ST18: variants seen among roughly 807,000 people sequenced by gnomAD.
ST18 encodes suppression of tumorigenicity 18 protein.
ST18 carries 50 observed loss-of-function variants against 110.0 expected under a neutral mutation model. The observed-to-expected ratio is 0.45, with a 90% CI of 0.36 to 0.58. The LOEUF (loss-of-function observed/expected upper bound fraction) is 0.58, where lower values mean the gene tolerates loss of function less well. ST18 is among the 20% of genes least tolerant of loss of function. The pLI is 0.00. For missense variants in ST18, 1,306 were observed against 1,280.1 expected (o/e 1.02, Z -0.31); for synonymous variants, 461 against 452.4 (o/e 1.02, Z -0.24).
chr8:52,367,182 G>A (rs11989115), intron 2 of ST18, among the ~76,000 whole-genome samples: 24,793 of 149,392 alleles, frequency 0.17, 3,453 homozygotes, highest in African/African-American at 0.38. Flanking sequence ...AGGCTGCGGT[G>A]AGCAGAGATC....
rs1462746027 is a variant in ST18, at chr8:52,112,022, A to G, written c.*1176T>C. Reference sequence around the variant, plus strand: ...TGAGTGTGTGTGTATATTTTGTAGCATTTGAAGTTTTGTGGCAAGATTTCT... The same window carrying G: ...TGAGTGTGTGTGTATATTTTGTAGCGTTTGAAGTTTTGTGGCAAGATTTCT... On this transcript the variant is annotated 3_prime_UTR_variant, in exon 26 of 26. Transcript: ENST00000689386. The G allele has an allele frequency of 6.6e-6, 1 of 152,272 alleles. No homozygotes were observed. Among genetic ancestry groups the G allele is most frequent in the Non-Finnish European group, 1.5e-5 (1 of 67,996 alleles). 9.4% of individuals were successfully genotyped at this position (152,272 alleles called of 1,614,324 possible). A position where few individuals can be genotyped will look rare whatever the true frequency, so the allele number is the denominator to read the frequency against.
intron 2 of ST18, among the ~76,000 whole-genome samples, chr8:52,245,501 A>T (rs75479176): frequency 0.03 from 4,565 of 152,160 alleles, 215 homozygotes; most frequent in African/African-American, 0.1. Flanking sequence ...TCATGAAGGA[A>T]CCTCAAAATT....
At chr8:52,155,080 T>G (rs2059708580) in intron 15 of ST18, among the ~76,000 whole-genome samples, 1 of 151,254 alleles carries the variant, frequency 6.6e-6, no homozygotes, top group African/African-American at 2.4e-5. Flanking sequence ...CGCACGCCGG[T>G]AGTCCCAGCT....
intron 3 of ST18, among the ~76,000 whole-genome samples, chr8:52,228,066 T>C (rs1354128629): frequency 1.3e-5 from 2 of 152,230 alleles, no homozygotes; most frequent in Non-Finnish European, 2.9e-5. Flanking sequence ...TGGAATACTA[T>C]AGATTTTGTC....
intron 2 of ST18, among the ~76,000 whole-genome samples, chr8:52,358,435 A>T (rs548346356): frequency 7.2e-5 from 11 of 152,062 alleles, no homozygotes; most frequent in Admixed American, 2.0e-4. Context: ...AGGGAAAAAA[A>T]TTGATAAACT....
chr8:52,328,166 C>T (rs902699637), intron 2 of ST18, among the ~76,000 whole-genome samples: 1 of 152,180 alleles, frequency 6.6e-6, no homozygotes, highest in Non-Finnish European at 1.5e-5. Flanking sequence ...AAGTTTGAAT[C>T]ACACAAGGGA....
intron 2 of ST18, among the ~76,000 whole-genome samples, chr8:52,366,885 A>G (rs1828179631): frequency 6.6e-6 from 1 of 152,228 alleles, no homozygotes; most frequent in Non-Finnish European, 1.5e-5. Context: ...CCTAGAAAAT[A>G]GCGGGCCACA....
At chr8:52,171,755 C>CT (rs1199459521) in intron 10 of ST18, 37 bp downstream of exon 10, 2 of 1,598,850 alleles carry the variant, frequency 1.3e-6, no homozygotes, top group Admixed American at 1.7e-5. Flanking sequence ...CCCTAATGCA[C>CT]TTTTATTCCT....
At chr8:52,350,183 G>T (rs1051827514) in intron 2 of ST18, among the ~76,000 whole-genome samples, 2 of 152,084 alleles carry the variant, frequency 1.3e-5, no homozygotes, top group Admixed American at 6.5e-5. Context: ...ATCCTTTGAG[G>T]TTCTAACTTA....
chr8:52,216,701 G>C (rs1461348194), intron 6 of ST18, among the ~76,000 whole-genome samples: 1 of 152,102 alleles, frequency 6.6e-6, no homozygotes, highest in African/African-American at 2.4e-5. Flanking sequence ...TTCAAAAATA[G>C]GTTTTGGTTT....
intron 2 of ST18, among the ~76,000 whole-genome samples, chr8:52,316,475 T>C (rs2096028956): frequency 6.6e-6 from 1 of 152,246 alleles, no homozygotes; most frequent in Non-Finnish European, 1.5e-5. Flanking sequence ...TTTACACTTT[T>C]ATAATATTGA....
chr8:52,400,632 T>C (rs1590729203), intron 2 of ST18, among the ~76,000 whole-genome samples: 1 of 152,142 alleles, frequency 6.6e-6, no homozygotes, highest in Non-Finnish European at 1.5e-5. Context: ...ACATAAAACA[T>C]CTTATAGTTA....
At chr8:52,118,038 A>AT (rs35280363) in intron 24 of ST18, among the ~76,000 whole-genome samples, 5 of 151,922 alleles carry the variant, frequency 3.3e-5, no homozygotes, top group African/African-American at 7.3e-5. Context: ...TTTCCATCAC[A>AT]TTTTTTTTCT....
In ST18 at chr8:52,120,919, G is replaced by A. The variant is rs187319675; in HGVS notation, c.2756-2478C>T. ...CAGGACTTGTGAGGGCTAGAGGTAG[G>A]GGGTGAGAGAAGAGAGGAATCGACG... On this transcript the variant is annotated intron_variant, in intron 23 of 25. Coordinates refer to ENST00000689386, the MANE Select transcript of ST18 (RefSeq NM_001352837.2). 8.5e-5 allele frequency among the ~76,000 whole-genome samples: 13 copies of A among 152,216 alleles called. No homozygotes were observed. The East Asian group carries it at 2.1e-3, about 25-fold the overall frequency.
intron 2 of ST18, among the ~76,000 whole-genome samples, chr8:52,389,118 C>T (rs1240370144): frequency 1.3e-5 from 2 of 152,148 alleles, no homozygotes; most frequent in Non-Finnish European, 2.9e-5. Flanking sequence ...GCGAGCCTGG[C>T]GCTTCAGGCG....
At chr8:52,158,060 T>A (rs2060462906) in intron 15 of ST18, among the ~76,000 whole-genome samples, 1 of 152,286 alleles carries the variant, frequency 6.6e-6, no homozygotes, top group Admixed American at 6.5e-5. Context: ...TAGGAGTTCC[T>A]GCTCCAGCTG....
intron 2 of ST18, among the ~76,000 whole-genome samples, chr8:52,367,560 G>A (rs918440505): frequency 3.9e-5 from 6 of 152,172 alleles, no homozygotes; most frequent in Non-Finnish European, 8.8e-5. Flanking sequence ...TCTGGAAAAT[G>A]TGTGTGATGA....
chr8:52,118,182 T>C (rs1231104833), intron 24 of ST18, among the ~76,000 whole-genome samples, 156 bp downstream of exon 24: 1 of 152,232 alleles, frequency 6.6e-6, no homozygotes, highest in Non-Finnish European at 1.5e-5. Context: ...ATGATCCACC[T>C]ATTCAGAATT....
chr8:52,168,705 G>A (rs892170555), intron 10 of ST18, among the ~76,000 whole-genome samples: 1 of 152,130 alleles, frequency 6.6e-6, no homozygotes, highest in Non-Finnish European at 1.5e-5. Context: ...AAATGTGCCC[G>A]TGTCGATACT....
Sources: gnomAD v4.1 joint callset for allele counts (sites outside exome capture counted in the v4.1 genomes callset) on GRCh38, gnomAD v4.1.1 for gene constraint, MANE v1.5 for transcripts, NCBI Gene and HGNC (gene_info 2026-07-23, HGNC 2026-07-21) for gene names.